The following ATP8B1 variants were observed in gnomAD, a reference collection of about 807,000 sequenced individuals.
ATP8B1 encodes ATPase phospholipid transporting 8B1.
In ATP8B1, 80 loss-of-function variants were observed where a neutral mutation model predicts 149.9. The observed-to-expected ratio is 0.53, with a 90% CI of 0.45 to 0.64. The LOEUF is 0.64. Among genes scored for constraint, ATP8B1 ranks in the 30% least tolerant of loss-of-function variants. The pLI, the probability that ATP8B1 is intolerant of heterozygous loss-of-function variation, is 0.00. For missense variants in ATP8B1, 1,247 were observed against 1,552.6 expected (o/e 0.80, Z 3.31); for synonymous variants, 536 against 562.8 (o/e 0.95, Z 0.67).
At chr18:57,734,922 A>C (rs917857818) in intron 1 of ATP8B1, among the ~76,000 whole-genome samples, 2 of 152,192 alleles carry the variant, frequency 1.3e-5, no homozygotes, top group African/African-American at 4.8e-5. Flanking sequence ...CTTGCAACTG[A>C]GCTCACACCT....
rs146829232 is a variant in ATP8B1 at position 57,726,854 on chromosome 18, C to T, written c.181+4773G>A. On this transcript the variant is annotated intron_variant, in intron 2 of 27. Transcript: ENST00000648908. ...CAGCACTTTGGGAGGCCAGGGTGGGCGAATCACCTTAGGTCAGGAGTTCAA... is the reference window on the plus strand; with the variant it reads ...CAGCACTTTGGGAGGCCAGGGTGGGTGAATCACCTTAGGTCAGGAGTTCAA... 5.7e-3 allele frequency among the ~76,000 whole-genome samples: 872 copies of T among 152,164 alleles called. 4 individuals carry two copies. Among genetic ancestry groups the T allele is most frequent in the African/African-American group, 0.02 (829 of 41,516 alleles).
In ATP8B1 at chr18:57,780,434, T is replaced by C. The variant is rs142516587; in HGVS notation, c.-26+22564A>G. 3.9e-4 allele frequency among the ~76,000 whole-genome samples: 59 copies of C among 152,350 alleles called. 2 individuals are homozygous for C. In the East Asian group the frequency reaches 0.011, roughly 27 times the overall value. On this transcript the variant is annotated intron_variant, in intron 1 of 27. Coordinates refer to ENST00000648908, the MANE Select transcript of ATP8B1 (RefSeq NM_001374385.1). ...CATCCTGTTGTATGTTTACATATAT[T>C]AACAGCTTCAGGAATTTCACAATTA...
rs1276778498 is a variant in ATP8B1 at position 57,646,517 on chromosome 18, T to C, written c.*1971A>G. The C allele has an allele frequency of 6.6e-6, 1 of 152,628 alleles. No individual in the cohort carries two copies. The highest frequency in any genetic ancestry group is 1.9e-4 in the East Asian group (1 of 5,204). The allele number at this position is 152,628 out of a possible 1,614,324, so 9.5% of individuals were successfully genotyped here. A position where few individuals can be genotyped will look rare whatever the true frequency, so the allele number is the denominator to read the frequency against. ...CATTAAATCTCAGATTTACAGAATA[T>C]AGAAATAATTTATCCAAAGAAATTT... On this transcript the variant is annotated 3_prime_UTR_variant, in exon 28 of 28. Coordinates refer to ENST00000648908, the MANE Select transcript of ATP8B1 (RefSeq NM_001374385.1).
At chr18:57,756,216 C>T (rs1371086448) in intron 1 of ATP8B1, among the ~76,000 whole-genome samples, 14,957 of 103,478 alleles carry the variant, frequency 0.14, 1,472 homozygotes, top group African/African-American at 0.22. Context: ...TATATACACA[C>T]ACACACACAC....
At chr18:57,658,448 T>C (rs976788857) in intron 22 of ATP8B1, among the ~76,000 whole-genome samples, 2 of 152,100 alleles carry the variant, frequency 1.3e-5, no homozygotes, top group Non-Finnish European at 1.5e-5. Context: ...TCAGGTAGGA[T>C]AGAGGGAGAA....
At chr18:57,788,763 A>T (rs2080434000) in intron 1 of ATP8B1, among the ~76,000 whole-genome samples, 1 of 152,154 alleles carries the variant, frequency 6.6e-6, no homozygotes, top group Non-Finnish European at 1.5e-5. Flanking sequence ...AAAGTGCTTT[A>T]AAAATGTAAA....
chr18:57,700,305 A>G (rs948365769), intron 6 of ATP8B1, among the ~76,000 whole-genome samples: 1 of 152,192 alleles, frequency 6.6e-6, no homozygotes, highest in African/African-American at 2.4e-5. Flanking sequence ...GGGCATAAAC[A>G]TATATTTAAA....
At chr18:57,798,256 A>G (rs1460685192) in intron 1 of ATP8B1, among the ~76,000 whole-genome samples, 1 of 152,090 alleles carries the variant, frequency 6.6e-6, no homozygotes, top group Non-Finnish European at 1.5e-5. Flanking sequence ...GGTAGTAATT[A>G]AAAAACAAAA....
intron 1 of ATP8B1, among the ~76,000 whole-genome samples, chr18:57,790,466 T>A (rs1039934975): frequency 2.6e-5 from 4 of 152,176 alleles, no homozygotes; most frequent in African/African-American, 9.7e-5. Context: ...TATCCCATGG[T>A]AGCCCCAGCA....
chr18:57,679,576 C>T (rs1911820492), intron 15 of ATP8B1, among the ~76,000 whole-genome samples: 2 of 152,180 alleles, frequency 1.3e-5, no homozygotes, highest in Admixed American at 1.3e-4. Flanking sequence ...TCTCAGTTCT[C>T]ATCAACCTGA....
intron 4 of ATP8B1, among the ~76,000 whole-genome samples, chr18:57,701,961 G>T (rs1176110790): frequency 6.6e-6 from 1 of 152,096 alleles, no homozygotes; most frequent in African/African-American, 2.4e-5. Flanking sequence ...GCCTCCCAAA[G>T]TGCCGGGATT....
intron 3 of ATP8B1, 79 bp downstream of exon 3, chr18:57,706,411 A>T: frequency 8.9e-7 from 1 of 1,126,828 alleles, no homozygotes; most frequent in Non-Finnish European, 1.3e-6. Context: ...AGGCAGGTGT[A>T]GCATGAAGGT....
intron 1 of ATP8B1, among the ~76,000 whole-genome samples, chr18:57,757,050 A>C (rs2080092148): frequency 6.6e-6 from 1 of 152,202 alleles, no homozygotes. Context: ...CACAGCACCC[A>C]TCCCCTCCAC....
At position 57,659,467 on chromosome 18, in the gene ATP8B1, G is replaced by T. The variant is rs116955855; in HGVS notation, c.2707+1707C>A. Among the ~76,000 whole-genome samples, 296 of 151,988 alleles carry T rather than the reference G, an allele frequency of 1.9e-3. 10 individuals are homozygous for T. In the East Asian group the frequency reaches 0.045, roughly 23 times the overall value. ...GTTGATAAATCTCCAAAGCAAACCC[G>T]TCCCCTCCCATTATCTAGAAGGCTA... On this transcript the variant is annotated intron_variant, in intron 22 of 27. Coordinates refer to ENST00000648908, the MANE Select transcript of ATP8B1 (RefSeq NM_001374385.1).
intron 1 of ATP8B1, among the ~76,000 whole-genome samples, chr18:57,754,872 TG>T (rs1473117529): frequency 3.3e-5 from 5 of 152,186 alleles, no homozygotes; most frequent in Non-Finnish European, 7.3e-5. Context: ...CAAAGCAGCC[TG>T]GGGTGTATCC....
chr18:57,722,208 A>T (rs866635164), intron 2 of ATP8B1, among the ~76,000 whole-genome samples: 2 of 151,318 alleles, frequency 1.3e-5, no homozygotes, highest in African/African-American at 2.4e-5. Context: ...AAGAGCAAAC[A>T]CATTCAAAAG....
chr18:57,685,795 G>A (rs1912205832), intron 13 of ATP8B1, among the ~76,000 whole-genome samples: 1 of 151,936 alleles, frequency 6.6e-6, no homozygotes, highest in South Asian at 2.1e-4. Context: ...GCTGGGAATG[G>A]TGGTTCATAC....
At chr18:57,685,970 G>C (rs567517352) in intron 13 of ATP8B1, among the ~76,000 whole-genome samples, 1 of 151,284 alleles carries the variant, frequency 6.6e-6, no homozygotes, top group Non-Finnish European at 1.5e-5. Flanking sequence ...ATTGTAGGCC[G>C]GGTGTGGTGG....
chr18:57,651,477 C>T (rs1363344044), intron 26 of ATP8B1, among the ~76,000 whole-genome samples: 2 of 152,128 alleles, frequency 1.3e-5, no homozygotes, highest in African/African-American at 2.4e-5. Context: ...TTATCTAATT[C>T]AACACACGTA....
Sources: allele counts gnomAD v4.1 joint callset (sites outside exome capture counted in the v4.1 genomes callset), GRCh38; gene constraint gnomAD v4.1.1; transcripts MANE v1.5; gene names NCBI Gene and HGNC (gene_info 2026-07-23, HGNC 2026-07-21).